The following C4orf54 variants were observed in gnomAD, a reference collection of about 807,000 sequenced individuals.
C4orf54 encodes uncharacterized protein C4orf54.
Under a neutral mutation model 80.1 loss-of-function variants are expected in C4orf54, and 67 were observed. That is an observed-to-expected ratio of 0.84 (90% confidence interval 0.69 to 1.03). The LOEUF (loss-of-function observed/expected upper bound fraction) is 1.03. Ranked by LOEUF, C4orf54 falls within the 50% of genes least tolerant of loss-of-function variation. The probability of loss-of-function intolerance (pLI) is 0.00; values close to 1 mark genes in which losing one functional copy is unlikely to be tolerated. For synonymous variants in C4orf54, 1,000 were observed against 917.0 expected (o/e 1.09, Z -1.64); for missense variants, 2,434 against 2,253.5 (o/e 1.08, Z -1.62).
In C4orf54 at chr4:99,652,357, C is replaced by G; in HGVS notation, c.2292G>C (p.Ser764=). The change falls in exon 2 of 3, where the codon TCG becomes TCC. Residue 764 remains serine (S), a synonymous_variant. Coordinates refer to ENST00000511828, the MANE Select transcript of C4orf54 (RefSeq NM_001354435.2). ...TGGTGGCCCTGCCGGGCCCAGGGGC[C>G]GAGCTGGCTTTGCTCTCACTGCGTA... ...LNVRSESKAS[S]APGPGRATKG... is the part of the protein sequence containing the mutation. The G allele has an allele frequency of 9.1e-6, 14 of 1,535,940 alleles. No individual in the cohort carries two copies. Among genetic ancestry groups the G allele is most frequent in the Non-Finnish European group, 1.2e-5 (14 of 1,146,852 alleles).
intron 1 of C4orf54, among the ~76,000 whole-genome samples, chr4:99,656,997 C>G (rs1403764168): frequency 6.6e-6 from 1 of 152,198 alleles, no homozygotes; most frequent in African/African-American, 2.4e-5. Context: ...TTTCATATAA[C>G]AAAACTGTGT....
Position 99,650,374 on chromosome 4 carries a change from T to C in C4orf54, c.4275A>G (p.Ser1425=), listed in dbSNP as rs79445642. 2,555 of 1,536,086 alleles carry C rather than the reference T, an allele frequency of 1.7e-3. 31 individuals carry two copies. The African/African-American group carries it at 0.03, about 18-fold the overall frequency. The change falls in exon 2 of 3, where the codon TCA becomes TCG. Residue 1425 remains serine, a synonymous_variant. Coordinates refer to ENST00000511828, the MANE Select transcript of C4orf54 (RefSeq NM_001354435.2). ...FPQGPSPESP[S]AAKGIKSQGL... ...CCTGCGACTTGATGCCCTTAGCTGCTGAAGGACTCTCCGGAGAAGGCCCTT... is the reference window on the plus strand; with the variant it reads ...CCTGCGACTTGATGCCCTTAGCTGCCGAAGGACTCTCCGGAGAAGGCCCTT...
rs1334532781 is a variant in C4orf54, at chr4:99,652,392, G to C, written c.2257C>G (p.Pro753Ala). ...TGSRVVTLLE[P>A]LNVRSESKAS... ...TTGCTCTCACTGCGTACATTCAGGG[G>C]CTCCAAAAGGGTGACGACGCGGGAG... Residue 753 changes from proline to alanine, a missense_variant, in exon 2 of 3, where the codon CCC (proline) becomes GCC (alanine). Physicochemically the swap from Pro to Ala is conservative, Grantham distance 27. Coordinates refer to ENST00000511828, the MANE Select transcript of C4orf54 (RefSeq NM_001354435.2). 6.5e-7 allele frequency: 1 copy of C among 1,535,956 alleles called. No homozygotes were observed. The highest frequency in any genetic ancestry group is 1.4e-5 in the African/African-American group (1 of 73,044).
chr4:99,654,621 G>C lies in C4orf54; in HGVS notation c.28C>G (p.Arg10Gly), dbSNP rs758769785. The C allele has an allele frequency of 7.2e-6, 5 of 695,534 alleles. No individual in the cohort carries two copies. Among genetic ancestry groups the C allele is most frequent in the Non-Finnish European group, 1.3e-5 (5 of 378,690 alleles). The allele number at this position is 695,534 out of a possible 1,614,324, so 43.1% of individuals were successfully genotyped here. A position where few individuals can be genotyped will look rare whatever the true frequency, so the allele number is the denominator to read the frequency against. Residue 10 changes from arginine to glycine, a missense_variant, in exon 2 of 3, where the codon CGG becomes GGG. By Grantham distance (125) the Arg-to-Gly change is moderately radical (BLOSUM62 -2). Coordinates refer to ENST00000511828, the MANE Select transcript of C4orf54 (RefSeq NM_001354435.2). MLSFHFWKS[R>G]GQPTDAASSV... ...GAAGCAGCATCTGTAGGTTGACCCC[G>C]GGACTTCCAGAAATGAAAGGAAAGC... is the stretch of plus-strand genomic sequence containing the variant.
rs527610539 is a variant in C4orf54, at chr4:99,651,172, C to T, written c.3477G>A (p.Val1159=). ...SPMVITCQAV[V]NQREDSMDRE... is the part of the protein sequence containing the mutation. The stretch of plus-strand genomic sequence containing the variant: ...GGTCCATGCTGTCTTCCCTCTGGTT[C>T]ACTACAGCCTGGCATGTAATCACCA... The change falls in exon 2 of 3, where the codon GTG becomes GTA. Residue 1159 remains valine (V), a synonymous_variant. Coordinates refer to ENST00000511828, the MANE Select transcript of C4orf54 (RefSeq NM_001354435.2). 33 of 1,536,168 alleles carry T rather than the reference C, an allele frequency of 2.1e-5. 1 individual carries two copies. In the East Asian group the frequency reaches 2.7e-4, roughly 13 times the overall value.
chr4:99,653,608 C>A lies in C4orf54; in HGVS notation c.1041G>T (p.Arg347Ser). ...GGGAGDGTEC[R>S]DIIAKSQGSR... ...TGCCCTGGGACTTGGCAATAATGTC[C>A]CTGCACTCTGTTCCATCTCCTGCCC... Residue 347 changes from arginine (R) to serine (S), a missense_variant, in exon 2 of 3, where the codon AGG becomes AGT. Coordinates refer to ENST00000511828, the MANE Select transcript of C4orf54 (RefSeq NM_001354435.2). The A allele has an allele frequency of 1.3e-6, 2 of 1,535,944 alleles. No individual in the cohort carries two copies. Among genetic ancestry groups the A allele is most frequent in the Middle Eastern group, 1.7e-4 (1 of 5,990 alleles).
chr4:99,654,068 T>A lies in C4orf54; in HGVS notation c.581A>T (p.Tyr194Phe). The A allele has an allele frequency of 6.5e-7, 1 of 1,536,116 alleles. No individual in the cohort carries two copies. The highest frequency in any genetic ancestry group is 2.4e-5 in the East Asian group (1 of 40,904). Residue 194 changes from tyrosine (Y) to phenylalanine (F), a missense_variant, in exon 2 of 3, where the codon TAT becomes TTT. Transcript: ENST00000511828. ...PSASSQREAK[Y>F]VDMCASAEVQ... ...TTCAGCTGAAGCACACATGTCCACA[T>A]ATTTCGCTTCTCGCTGGGAGGAGGC... is the stretch of plus-strand genomic sequence containing the variant.
At chr4:99,648,273 T>G (rs1726733605) in intron 2 of C4orf54, among the ~76,000 whole-genome samples, 1 of 152,194 alleles carries the variant, frequency 6.6e-6, no homozygotes, top group African/African-American at 2.4e-5. Context: ...TCACTCTTCC[T>G]ATCAAGTTCC....
chr4:99,643,792 A>ACCCCCC (rs10714195), intron 2 of C4orf54, among the ~76,000 whole-genome samples: 36 of 98,878 alleles, frequency 3.6e-4, no homozygotes, highest in Non-Finnish European at 4.5e-4. Flanking sequence ...ACACACACAC[A>ACCCCCC]CCCCCTCCGC....
intron 2 of C4orf54, among the ~76,000 whole-genome samples, chr4:99,643,739 AACACACACACAC>A (rs754039570): frequency 0.038 from 3,755 of 98,922 alleles, 93 homozygotes; most frequent in Admixed American, 0.051. Flanking sequence ...CCCAAGCCAC[AACACACACACAC>A]ACACACACAC....
chr4:99,641,914 T>C (rs975459164), intron 2 of C4orf54, among the ~76,000 whole-genome samples: 1 of 152,122 alleles, frequency 6.6e-6, no homozygotes, highest in Admixed American at 6.5e-5. Flanking sequence ...TTGTTAGGGA[T>C]TAAGAAGGCT....
In C4orf54 at chr4:99,650,286, T is replaced by G; in HGVS notation, c.4363A>C (p.Lys1455Gln). 5 of 1,536,082 alleles carry G rather than the reference T, an allele frequency of 3.3e-6. No individual in the cohort carries two copies. The highest frequency in any genetic ancestry group is 4.4e-6 in the Non-Finnish European group (5 of 1,146,896). Residue 1455 changes from lysine (K) to glutamine (Q), a missense_variant, in exon 2 of 3, where the codon AAA (lysine) becomes CAA (glutamine). By Grantham distance (53) the Lys-to-Gln change is moderately conservative. Transcript: ENST00000511828. ...CTCTTCTCCAAATTGCTGCCACTTTTCCTGTTGGTCACCTCATCAGGAGGT... is the reference window on the plus strand; with the variant it reads ...CTCTTCTCCAAATTGCTGCCACTTTGCCTGTTGGTCACCTCATCAGGAGGT... ...RAPPDEVTNR[K>Q]SGSNLEKSNS... is the part of the protein sequence containing the mutation.
rs1379825389 is a variant in C4orf54, at chr4:99,637,106, TATGGTAG to T, written c.*4120_*4126del. The T allele has an allele frequency of 6.6e-6, 1 of 152,128 alleles. No homozygotes were observed. Among genetic ancestry groups the T allele is most frequent in the Non-Finnish European group, 1.5e-5 (1 of 68,022 alleles). 9.4% of individuals were successfully genotyped at this position (152,128 alleles called of 1,614,324 possible). ...AAGCATCACCTGCTATGGATACAGG[TATGGTAG>T]ATTATTCAGGGAGCCCTGGAAAGGA... On this transcript the variant is annotated 3_prime_UTR_variant, in exon 3 of 3. Transcript: ENST00000511828.
Position 99,654,602 on chromosome 4 carries a change from G to A in C4orf54, c.47C>T (p.Ala16Val). The A allele has an allele frequency of 2.8e-6, 2 of 702,504 alleles. No homozygotes were observed. Among genetic ancestry groups the A allele is most frequent in the Non-Finnish European group, 5.2e-6 (2 of 384,506 alleles). 43.5% of individuals were successfully genotyped at this position (702,504 alleles called of 1,614,324 possible). A position where few individuals can be genotyped will look rare whatever the true frequency, so the allele number is the denominator to read the frequency against. Residue 16 changes from alanine (A) to valine (V), a missense_variant, in exon 2 of 3, where the codon GCT becomes GTT. By Grantham distance (64) the Ala-to-Val change is moderately conservative. Transcript: ENST00000511828. ...AATGCCATCGGCCACGGAAGAAGCA[G>A]CATCTGTAGGTTGACCCCGGGACTT... ...FWKSRGQPTD[A>V]ASSVADGIQT...
Position 99,653,141 on chromosome 4 carries a change from C to T in C4orf54, c.1508G>A (p.Gly503Glu), listed in dbSNP as rs550963701. ...GCTGCTTGCGGCGGCGGCTGCTGCCCCTGAAGCTGCCTCCGGGGTCTCAGG... is the reference window on the plus strand; with the variant it reads ...GCTGCTTGCGGCGGCGGCTGCTGCCTCTGAAGCTGCCTCCGGGGTCTCAGG... Reference protein sequence around the residue: ...PLPETPEAASGAAAAAASSCG... With the variant: ...PLPETPEAASEAAAAAASSCG... Residue 503 changes from glycine to glutamate, a missense_variant, in exon 2 of 3, where the codon GGG becomes GAG. Gly to Glu is a moderately conservative substitution (Grantham distance 98, BLOSUM62 -2). Coordinates refer to ENST00000511828, the MANE Select transcript of C4orf54 (RefSeq NM_001354435.2). 8.1e-5 allele frequency: 125 copies of T among 1,536,178 alleles called. No individual in the cohort carries two copies. The African/African-American group carries it at 1.3e-3, about 16-fold the overall frequency.
chr4:99,654,084 G>A lies in C4orf54; in HGVS notation c.565C>T (p.Gln189Ter). The A allele has an allele frequency of 6.5e-7, 1 of 1,536,160 alleles. No homozygotes were observed. The highest frequency in any genetic ancestry group is 8.7e-7 in the Non-Finnish European group (1 of 1,146,924). The change falls in exon 2 of 3, where the codon CAG becomes TAG. Residue 189 changes from glutamine to a stop codon, truncating the protein, a stop_gained. Transcript: ENST00000511828. LOFTEE classifies it high-confidence loss of function. ...ATGTCCACATATTTCGCTTCTCGCT[G>A]GGAGGAGGCTGAAGGCTTGGGAAGT... ...WPLPKPSASS[Q>*]REAKYVDMCA...
rs1560641506 is a variant in C4orf54 at position 99,653,752 on chromosome 4, G to C, written c.897C>G (p.Ser299=). 6.5e-7 allele frequency: 1 copy of C among 1,536,070 alleles called. No individual in the cohort carries two copies. Among genetic ancestry groups the C allele is most frequent in the Non-Finnish European group, 8.7e-7 (1 of 1,146,882 alleles). Reference sequence around the variant, plus strand: ...CACTCTCGAAGCCTAAGGATGAAGAGGAGGTGGCCAGAGCCCCTGTGGATG... The same window carrying C: ...CACTCTCGAAGCCTAAGGATGAAGACGAGGTGGCCAGAGCCCCTGTGGATG... ...STTSTGALAT[S]SSSLGFESES... The change falls in exon 2 of 3, where the codon TCC becomes TCG. Residue 299 remains serine (S), a synonymous_variant. Coordinates refer to ENST00000511828, the MANE Select transcript of C4orf54 (RefSeq NM_001354435.2).
In C4orf54 at chr4:99,650,127, G is replaced by C. The variant is rs373585508; in HGVS notation, c.4522C>G (p.Pro1508Ala). 1.3e-5 allele frequency: 20 copies of C among 1,535,960 alleles called. No homozygotes were observed. The highest frequency in any genetic ancestry group is 1.2e-4 in the South Asian group (10 of 84,056). Residue 1508 changes from proline (P) to alanine (A), a missense_variant, in exon 2 of 3, where the codon CCG becomes GCG. Physicochemically the swap from Pro to Ala is conservative, Grantham distance 27 (BLOSUM62 -1). Transcript: ENST00000511828. The part of the protein sequence containing the change: ...SSAATLCSLP[P>A]LSARSQVPSS... ...GGGACCTGACTGCGGGCACTCAGCG[G>C]GGGTAAACTACAGAGAGTGGCAGCT... is the stretch of plus-strand genomic sequence containing the variant.
intron 2 of C4orf54, among the ~76,000 whole-genome samples, chr4:99,648,263 T>A (rs1726733565): frequency 6.6e-6 from 1 of 152,184 alleles, no homozygotes; most frequent in South Asian, 2.1e-4. Flanking sequence ...CAAGTAAAGC[T>A]CACTCTTCCT....
Sources: allele counts gnomAD v4.1 joint callset (sites outside exome capture counted in the v4.1 genomes callset), GRCh38; gene constraint gnomAD v4.1.1; transcripts MANE v1.5; gene names NCBI Gene and HGNC (gene_info 2026-07-23, HGNC 2026-07-21).